Variants in ZFPM2 observed in about 807,000 individuals in gnomAD.
The protein encoded by ZFPM2 is zinc finger protein ZFPM2.
In ZFPM2, 20 loss-of-function variants were observed where a neutral mutation model predicts 98.6. The ratio of observed to expected loss-of-function variants is 0.20; its 90% CI spans 0.14 to 0.29. The LOEUF is 0.29. Ranked by LOEUF, ZFPM2 falls within the 10% of genes least tolerant of loss-of-function variation. The pLI is 1.00. For synonymous variants in ZFPM2, 518 were observed against 502.7 expected, an observed-to-expected ratio of 1.03 and a Z score of -0.41; for missense variants, 1,310 against 1,388.6, an observed-to-expected ratio of 0.94 and a Z score of 0.90.
At chr8:105,666,583 G>A (rs1231164992) in intron 5 of ZFPM2, among the ~76,000 whole-genome samples, 1 of 152,196 alleles carries the variant, frequency 6.6e-6, no homozygotes, top group Non-Finnish European at 1.5e-5. Context: ...AGTTCTTAAA[G>A]TGTGGTCCAT....
intron 4 of ZFPM2, among the ~76,000 whole-genome samples, chr8:105,624,059 T>G (rs75638172): frequency 6.6e-6 from 1 of 152,158 alleles, no homozygotes; most frequent in East Asian, 1.9e-4. Flanking sequence ...ATAATATCGT[T>G]ATGAAACTGT....
chr8:105,429,144 C>T (rs753007882), intron 2 of ZFPM2, among the ~76,000 whole-genome samples: 4 of 152,056 alleles, frequency 2.6e-5, no homozygotes, highest in Non-Finnish European at 5.9e-5. Context: ...TATTTAACAA[C>T]GCGATTTGAT....
chr8:105,327,741 T>C (rs1447887838), intron 1 of ZFPM2, among the ~76,000 whole-genome samples: 1 of 151,808 alleles, frequency 6.6e-6, no homozygotes, highest in Non-Finnish European at 1.5e-5. Flanking sequence ...GATTAAAAGA[T>C]CTGATTATTT....
rs930401008 is a variant in ZFPM2, at chr8:105,502,395, AAG to A, written c.301+58017_301+58018del. ...CTACAGATATTGAGGGTTGAAACTGAAGAGTTACTAATTAATACATGGGAGAA... is the reference window on the plus strand; with the variant it reads ...CTACAGATATTGAGGGTTGAAACTGAAGTTACTAATTAATACATGGGAGAA... On this transcript the variant is annotated intron_variant, in intron 3 of 7. Coordinates refer to ENST00000407775, the MANE Select transcript of ZFPM2 (RefSeq NM_012082.4). 1.4e-4 allele frequency among the ~76,000 whole-genome samples: 21 copies of A among 152,284 alleles called. No homozygotes were observed. The East Asian group carries it at 3.9e-3, about 28-fold the overall frequency.
At chr8:105,538,441 A>G (rs11778194) in intron 3 of ZFPM2, among the ~76,000 whole-genome samples, 21,449 of 152,054 alleles carry the variant, frequency 0.14, 1,654 homozygotes, top group Non-Finnish European at 0.18. Context: ...TGTTTAGAAC[A>G]CTGTTGAAAT....
intron 3 of ZFPM2, among the ~76,000 whole-genome samples, chr8:105,549,210 C>A (rs1423675576): frequency 6.6e-6 from 1 of 151,794 alleles, no homozygotes; most frequent in African/African-American, 2.4e-5. Flanking sequence ...AGGGAAAGAT[C>A]CAGGGAAAGT....
chr8:105,350,814 A>G (rs1008334518), intron 1 of ZFPM2, among the ~76,000 whole-genome samples: 2 of 152,306 alleles, frequency 1.3e-5, no homozygotes, highest in Non-Finnish European at 1.5e-5. Flanking sequence ...CAGTTGAACT[A>G]TATAGTCCTC....
chr8:105,534,113 T>C (rs1225184715), intron 3 of ZFPM2, among the ~76,000 whole-genome samples: 11 of 46,180 alleles, frequency 2.4e-4, no homozygotes, highest in African/African-American at 1.1e-3. Context: ...CTCCCTTCCT[T>C]CCTCCCTTCC....
chr8:105,696,795 G>A (rs1171993359), intron 5 of ZFPM2, among the ~76,000 whole-genome samples: 1 of 152,144 alleles, frequency 6.6e-6, no homozygotes, highest in Non-Finnish European at 1.5e-5. Flanking sequence ...GTTTCTGCAT[G>A]TAATTTTGAA....
chr8:105,557,964 TGTGA>T (rs1431011787), intron 3 of ZFPM2, among the ~76,000 whole-genome samples: 2 of 152,120 alleles, frequency 1.3e-5, no homozygotes, highest in Admixed American at 1.3e-4. Context: ...CTTAGCAAGT[TGTGA>T]GTGAGTGCAA....
Position 105,792,340 on chromosome 8 carries a change from G to A in ZFPM2, c.739+3416G>A, listed in dbSNP as rs569124050. 5.3e-4 allele frequency among the ~76,000 whole-genome samples: 81 copies of A among 152,110 alleles called. 2 individuals carry two copies. Among genetic ancestry groups the A allele is most frequent in the South Asian group, 4.6e-3 (22 of 4,812 alleles). ...ACATCTTTATTTCTGCCTTCATTTC[G>A]TTACGTACCCAGTAGTCATTCAGGA... On this transcript the variant is annotated intron_variant, in intron 6 of 7. Transcript: ENST00000407775.
intron 1 of ZFPM2, among the ~76,000 whole-genome samples, chr8:105,328,534 A>C (rs1232313413): frequency 6.6e-6 from 1 of 151,848 alleles, no homozygotes; most frequent in African/African-American, 2.4e-5. Context: ...TCAACTGTTT[A>C]TGTATAGCAG....
intron 4 of ZFPM2, among the ~76,000 whole-genome samples, chr8:105,563,501 T>C (rs1815182536): frequency 6.6e-6 from 1 of 152,184 alleles, no homozygotes. Context: ...TTCTGGGCAA[T>C]TTGTTCTAGG....
chr8:105,565,091 T>G (rs1289823686), intron 4 of ZFPM2, among the ~76,000 whole-genome samples: 4 of 152,118 alleles, frequency 2.6e-5, no homozygotes, highest in African/African-American at 9.7e-5. Flanking sequence ...TTCAGCTCAC[T>G]AATTAATCCA....
intron 4 of ZFPM2, among the ~76,000 whole-genome samples, chr8:105,568,333 T>C (rs138949201): frequency 0.014 from 2,086 of 152,168 alleles, 102 homozygotes; most frequent in Admixed American, 0.089. Flanking sequence ...TTAATCCTAG[T>C]CCTCTGCCTC....
At position 105,349,296 on chromosome 8, in the gene ZFPM2, T is replaced by C. The variant is rs139711960; in HGVS notation, c.40+30315T>C. Among the ~76,000 whole-genome samples, 1,031 of 152,306 alleles carry C rather than the reference T, an allele frequency of 6.8e-3. 10 individuals carry two copies. The highest frequency in any genetic ancestry group is 0.024 in the African/African-American group (979 of 41,562). On this transcript the variant is annotated intron_variant, in intron 1 of 7. Coordinates refer to ENST00000407775, the MANE Select transcript of ZFPM2 (RefSeq NM_012082.4). ...AAGAAAAATGGCTGGAAGACATTCC[T>C]TCTCAAAGGAATGGCCTGGACTTCA... is the stretch of plus-strand genomic sequence containing the variant.
chr8:105,642,005 A>C (rs1251121081), intron 5 of ZFPM2, among the ~76,000 whole-genome samples: 1 of 152,158 alleles, frequency 6.6e-6, no homozygotes, highest in Non-Finnish European at 1.5e-5. Flanking sequence ...AAGTATAAAA[A>C]TGAGAAATGA....
At position 105,695,867 on chromosome 8, in the gene ZFPM2, A is replaced by G. The variant is rs117522797; in HGVS notation, c.532+61510A>G. ...AAGTGTAGATGATCCCACTTTAGAA[A>G]TGAGAAAAAAGAGTGCTTTTGTAAA... is the stretch of plus-strand genomic sequence containing the variant. On this transcript the variant is annotated intron_variant, in intron 5 of 7. Coordinates refer to ENST00000407775, the MANE Select transcript of ZFPM2 (RefSeq NM_012082.4). Among the ~76,000 whole-genome samples the G allele has an allele frequency of 7.8e-4, 119 of 152,278 alleles. 2 individuals carry two copies. In the East Asian group the frequency reaches 0.021, roughly 27 times the overall value.
chr8:105,527,592 C>T (rs1463443816), intron 3 of ZFPM2, among the ~76,000 whole-genome samples: 1 of 152,176 alleles, frequency 6.6e-6, no homozygotes, highest in East Asian at 1.9e-4. Context: ...TGGCAGAATG[C>T]CCTTTTTGTA....
Sources: gnomAD v4.1 joint callset for allele counts (sites outside exome capture counted in the v4.1 genomes callset) on GRCh38, gnomAD v4.1.1 for gene constraint, MANE v1.5 for transcripts, NCBI Gene and HGNC (gene_info 2026-07-23, HGNC 2026-07-21) for gene names.